The following RB1CC1 variants were observed in gnomAD, a reference collection of about 807,000 sequenced individuals.
RB1CC1 encodes RB1-inducible coiled-coil protein 1.
In RB1CC1, 46 loss-of-function variants were observed where a neutral mutation model predicts 177.5. The ratio of observed to expected loss-of-function variants is 0.26; its 90% CI spans 0.20 to 0.33. The LOEUF (loss-of-function observed/expected upper bound fraction) is 0.33, where lower values mean the gene tolerates loss of function less well. Among genes scored for constraint, RB1CC1 ranks in the 10% least tolerant of loss-of-function variants. The pLI, the probability that RB1CC1 is intolerant of heterozygous loss-of-function variation, is 1.00. For missense variants in RB1CC1, 1,703 were observed against 1,816.3 expected, an observed-to-expected ratio of 0.94 and a Z score of 1.13; for synonymous variants, 666 against 613.6, an observed-to-expected ratio of 1.09 and a Z score of -1.26.
chr8:52,658,821 A>T, intron 13 of RB1CC1, 52 bp downstream of exon 13: 1 of 1,320,284 alleles, frequency 7.6e-7, no homozygotes, highest in Non-Finnish European at 1.0e-6. Context: ...ACTCCAGAAT[A>T]ATAAAAACAT....
intron 1 of RB1CC1, among the ~76,000 whole-genome samples, chr8:52,688,562 T>C (rs1010188863): frequency 5.3e-5 from 8 of 152,200 alleles, no homozygotes; most frequent in African/African-American, 1.9e-4. Context: ...TTGTTTAAGA[T>C]GTTTATCAAG....
rs1339023409 is a variant in RB1CC1, at chr8:52,642,710, C to T, written c.4090G>A (p.Asp1364Asn). Residue 1364 changes from aspartate (D) to asparagine (N), a missense_variant, in exon 17 of 24, where the codon GAT becomes AAT. Transcript: ENST00000025008. ...AGTACAAAACAGTACAAACCTTTAT[C>T]CCGTTCTTGTTGCTGCATTGTACTT... Reference protein sequence around the residue: ...LKSTMQQQERDKDLIESLSED... With the variant: ...LKSTMQQQERNKDLIESLSED... 1.3e-6 allele frequency: 2 copies of T among 1,576,342 alleles called. No homozygotes were observed. Among genetic ancestry groups the T allele is most frequent in the Admixed American group, 2.0e-5 (1 of 50,082 alleles).
intron 1 of RB1CC1, among the ~76,000 whole-genome samples, chr8:52,708,524 A>C (rs1205452566): frequency 7.1e-6 from 1 of 140,286 alleles, no homozygotes; most frequent in Non-Finnish European, 1.5e-5. Context: ...TCAAAAACAA[A>C]CAAACAAACA....
intron 5 of RB1CC1, among the ~76,000 whole-genome samples, chr8:52,682,374 C>T (rs866723448): frequency 5.3e-5 from 8 of 152,028 alleles, no homozygotes; most frequent in Non-Finnish European, 8.8e-5. Flanking sequence ...GTCCCAGGCT[C>T]GGGTTATGTC....
chr8:52,712,272 T>C (rs569993654), intron 1 of RB1CC1, among the ~76,000 whole-genome samples: 1 of 152,296 alleles, frequency 6.6e-6, no homozygotes, highest in South Asian at 2.1e-4. Flanking sequence ...TCATAAGACA[T>C]ACACATCTGC....
At position 52,623,864 on chromosome 8, in the gene RB1CC1, G is replaced by C. The variant is rs1848203013; in HGVS notation, c.4708-5C>G. 6.3e-7 allele frequency: 1 copy of C among 1,591,932 alleles called. No homozygotes were observed. The highest frequency in any genetic ancestry group is 1.3e-5 in the African/African-American group (1 of 74,244). On this transcript the variant is annotated splice_region_variant and splice_polypyrimidine_tract_variant and intron_variant, in intron 23 of 23. Coordinates refer to ENST00000025008, the MANE Select transcript of RB1CC1 (RefSeq NM_014781.5). The stretch of plus-strand genomic sequence containing the variant: ...AACTTTAAATCTGTTTTGTGCCTAA[G>C]AGGGAAAGAAAAAATGGAATCACTA...
At chr8:52,662,185 T>C (rs1851691413) in intron 8 of RB1CC1, among the ~76,000 whole-genome samples, 1 of 152,072 alleles carries the variant, frequency 6.6e-6, no homozygotes, top group African/African-American at 2.4e-5. Flanking sequence ...GTCACTGCCC[T>C]CTCCAGTTAT....
chr8:52,683,771 G>A, intron 4 of RB1CC1, 52 bp from the exon 5 acceptor site: 1 of 1,557,966 alleles, frequency 6.4e-7, no homozygotes. Flanking sequence ...TATAAATACT[G>A]AGCGTGCACA....
intron 18 of RB1CC1, among the ~76,000 whole-genome samples, chr8:52,641,384 CAAAA>C (rs33912526): frequency 1.0e-5 from 1 of 97,500 alleles, no homozygotes; most frequent in African/African-American, 4.0e-5. Context: ...GACTTCATCT[CAAAA>C]AAAAAAAAAA....
intron 18 of RB1CC1, among the ~76,000 whole-genome samples, chr8:52,640,357 A>G (rs769058858): frequency 1.3e-5 from 2 of 152,218 alleles, no homozygotes; most frequent in African/African-American, 4.8e-5. Flanking sequence ...ATCTCAAAAT[A>G]GCTAGAAAAG....
At chr8:52,674,349 A>G in intron 6 of RB1CC1, 75 bp from the exon 7 acceptor site, 1 of 1,279,358 alleles carries the variant, frequency 7.8e-7, no homozygotes, top group East Asian at 2.3e-5. Context: ...GAATGAAATC[A>G]CATATTATTA....
chr8:52,642,959 A>T lies in RB1CC1; in HGVS notation c.3988-147T>A, dbSNP rs16918026. 1.5e-3 allele frequency: 1,429 copies of T among 938,002 alleles called. 20 individuals are homozygous for T. The African/African-American group carries it at 0.023, about 15-fold the overall frequency. 58.1% of individuals were successfully genotyped at this position (938,002 alleles called of 1,614,324 possible). The stretch of plus-strand genomic sequence containing the variant: ...TTCATGAAATGTTTTAAAAATGAAA[A>T]TGTAACATACTGTGGCAAAGGTTCT... On this transcript the variant is annotated intron_variant, in intron 16 of 23. Transcript: ENST00000025008.
chr8:52,700,867 C>A (rs955085351), intron 1 of RB1CC1, among the ~76,000 whole-genome samples: 23 of 152,192 alleles, frequency 1.5e-4, no homozygotes, highest in Middle Eastern at 3.4e-3. Context: ...ACTACACTCT[C>A]AATCTCAATG....
In RB1CC1 at chr8:52,668,198, G is replaced by C. The variant is rs34502306; in HGVS notation, c.1003-7C>G. On this transcript the variant is annotated splice_region_variant and splice_polypyrimidine_tract_variant and intron_variant, in intron 7 of 23. Coordinates refer to ENST00000025008, the MANE Select transcript of RB1CC1 (RefSeq NM_014781.5). ...GAATAATCCTTGGATCAAGCTAAAT[G>C]ACAAGGAAACACATACGAATACAAT... 3.4e-3 allele frequency: 5,526 copies of C among 1,611,958 alleles called. 188 individuals are homozygous for C. The African/African-American group carries it at 0.067, about 20-fold the overall frequency.
chr8:52,685,309 T>C lies in RB1CC1; in HGVS notation c.71+90A>G, dbSNP rs1854173892. 4 of 1,022,382 alleles carry C rather than the reference T, an allele frequency of 3.9e-6. No homozygotes were observed. In the South Asian group the frequency reaches 4.3e-5, roughly 11 times the overall value. The allele number at this position is 1,022,382 out of a possible 1,614,324, so 63.3% of individuals were successfully genotyped here. On this transcript the variant is annotated intron_variant, in intron 3 of 23. Transcript: ENST00000025008. ...GTGAGGTACCGCACCCGGCCGCCATTATCCTACTTTTTAAACAGTAGAATA... is the reference window on the plus strand; with the variant it reads ...GTGAGGTACCGCACCCGGCCGCCATCATCCTACTTTTTAAACAGTAGAATA...
chr8:52,667,980 A>C, intron 8 of RB1CC1, 41 bp downstream of exon 8: 1 of 1,573,042 alleles, frequency 6.4e-7, no homozygotes, highest in South Asian at 1.2e-5. Context: ...GTACAAAAAA[A>C]CTATAAATTC....
chr8:52,693,468 G>A (rs1855090418), intron 1 of RB1CC1, among the ~76,000 whole-genome samples: 1 of 151,946 alleles, frequency 6.6e-6, no homozygotes, highest in Non-Finnish European at 1.5e-5. Context: ...TGAAAAAAAA[G>A]CTCAACATCA....
rs1360516990 is a variant in RB1CC1 at position 52,657,750 on chromosome 8, A to C, written c.2079T>G (p.Asp693Glu). The C allele has an allele frequency of 6.2e-7, 1 of 1,614,080 alleles. No homozygotes were observed. The highest frequency in any genetic ancestry group is 1.1e-5 in the South Asian group (1 of 91,076). Residue 693 changes from aspartate to glutamate, a missense_variant, in exon 15 of 24, where the codon GAT becomes GAG. By Grantham distance (45) the Asp-to-Glu change is conservative. This residue lies in a region of RB1CC1 where 1,169 missense variants were observed against 1,184.7 expected (regional missense o/e 0.99). Transcript: ENST00000025008. Reference sequence around the variant, plus strand: ...AATCAAACGTATGTGCATCAATACTATCTGGAGATAATTCTTCTAAGGGAC... The same window carrying C: ...AATCAAACGTATGTGCATCAATACTCTCTGGAGATAATTCTTCTAAGGGAC... ...AVCPLEELSP[D>E]SIDAHTFDFE... is the part of the protein sequence containing the mutation.
intron 15 of RB1CC1, among the ~76,000 whole-genome samples, chr8:52,652,358 C>T (rs544991625): frequency 1.3e-5 from 2 of 150,338 alleles, no homozygotes; most frequent in Admixed American, 6.7e-5. Context: ...CCCAGCTACT[C>T]GGGAGGCTGA....
Sources: allele counts gnomAD v4.1 joint callset (sites outside exome capture counted in the v4.1 genomes callset), GRCh38; gene constraint gnomAD v4.1.1; regional missense constraint gnomAD v4.1.1; transcripts MANE v1.5; gene names NCBI Gene and HGNC (gene_info 2026-07-23, HGNC 2026-07-21).